Variants in UXS1 observed in about 807,000 individuals in gnomAD.
UXS1 encodes the protein UDP-glucuronate decarboxylase 1, also known as UDP-glucuronic acid decarboxylase 1.
A neutral mutation model predicts 62.6 loss-of-function variants in UXS1; 33 were observed. The observed-to-expected ratio is 0.53, with a 90% CI of 0.40 to 0.70. The LOEUF (loss-of-function observed/expected upper bound fraction) is 0.70. UXS1 is among the 30% of genes least tolerant of loss of function. The pLI is 0.00. For synonymous variants in UXS1, 213 were observed against 206.8 expected (o/e 1.03, Z -0.26); for missense variants, 434 against 556.3 (o/e 0.78, Z 2.21).
Position 106,093,947 on chromosome 2 carries a change from T to C in UXS1, c.*79A>G. Reference sequence around the variant, plus strand: ...TCATGACACCTGTTAAAGTCTTTCTTTAAACGACAACAAAAAAAAGCCAAA... The same window carrying C: ...TCATGACACCTGTTAAAGTCTTTCTCTAAACGACAACAAAAAAAAGCCAAA... On this transcript the variant is annotated 3_prime_UTR_variant, in exon 15 of 15. Coordinates refer to ENST00000283148, the MANE Select transcript of UXS1 (RefSeq NM_001253875.2). The C allele has an allele frequency of 6.8e-7, 1 of 1,468,214 alleles. No homozygotes were observed. The highest frequency in any genetic ancestry group is 1.5e-5 in the South Asian group (1 of 65,514). 90.9% of individuals were successfully genotyped at this position (1,468,214 alleles called of 1,614,324 possible). A position where few individuals can be genotyped will look rare whatever the true frequency, so the allele number is the denominator to read the frequency against.
At chr2:106,187,446 G>A (rs1399327040) in intron 1 of UXS1, among the ~76,000 whole-genome samples, 1 of 152,140 alleles carries the variant, frequency 6.6e-6, no homozygotes, top group Non-Finnish European at 1.5e-5. Context: ...ATTGTGTCCC[G>A]AATGAATTTA....
At chr2:106,095,867 C>T (rs776876995) in intron 14 of UXS1, among the ~76,000 whole-genome samples, 2 of 152,218 alleles carry the variant, frequency 1.3e-5, no homozygotes, top group Non-Finnish European at 1.5e-5. Context: ...GAGGAGCCTG[C>T]AGTCACCCAA....
intron 4 of UXS1, chr2:106,160,331 G>T (rs910669221): frequency 3.3e-5 from 5 of 152,180 alleles, no homozygotes; most frequent in Non-Finnish European, 5.9e-5. Flanking sequence ...TGGCACAGCT[G>T]AGACTCTTTC....
rs1248568312 is a variant in UXS1 at position 106,137,008 on chromosome 2, G to A, written c.473-7230C>T. 1.2e-4 allele frequency among the ~76,000 whole-genome samples: 14 copies of A among 116,872 alleles called. No individual in the cohort carries two copies. The South Asian group carries it at 2.0e-3, about 16-fold the overall frequency. 76.7% of individuals were successfully genotyped at this position (116,872 alleles called of 152,430 possible). A position where few individuals can be genotyped will look rare whatever the true frequency, so the allele number is the denominator to read the frequency against. ...AAAAGAAAGCCAAGTCTGAAAACCA[G>A]TGAGTTAATTTAGAAATAGAACCAA... On this transcript the variant is annotated intron_variant, in intron 6 of 14. Transcript: ENST00000283148.
chr2:106,106,637 T>C (rs1174372116), intron 10 of UXS1, among the ~76,000 whole-genome samples: 1 of 152,176 alleles, frequency 6.6e-6, no homozygotes, highest in Non-Finnish European at 1.5e-5. Flanking sequence ...AGGATGGGCA[T>C]GGGCCTCTTG....
intron 1 of UXS1, among the ~76,000 whole-genome samples, chr2:106,188,338 G>A (rs1381900266): frequency 3.9e-5 from 6 of 152,132 alleles, no homozygotes; most frequent in African/African-American, 7.2e-5. Flanking sequence ...GGACGTGGGC[G>A]GGCAGTGGAA....
chr2:106,171,981 C>T (rs1038287405), intron 1 of UXS1, among the ~76,000 whole-genome samples: 1 of 152,240 alleles, frequency 6.6e-6, no homozygotes, highest in East Asian at 1.9e-4. Context: ...CCCCTGGCTG[C>T]GGGGTCCTCA....
At chr2:106,122,231 G>A (rs1679582113) in intron 9 of UXS1, among the ~76,000 whole-genome samples, 1 of 152,230 alleles carries the variant, frequency 6.6e-6, no homozygotes, top group Admixed American at 6.5e-5. Flanking sequence ...ATGAGGATGT[G>A]AAAATTCAGA....
intron 1 of UXS1, among the ~76,000 whole-genome samples, chr2:106,186,845 CAGAA>C (rs913100901): frequency 1.3e-5 from 2 of 151,848 alleles, no homozygotes; most frequent in Non-Finnish European, 2.9e-5. Flanking sequence ...AAAAAAATCT[CAGAA>C]AGGCTATCAC....
intron 4 of UXS1, among the ~76,000 whole-genome samples, chr2:106,162,634 AT>A (rs1195689598): frequency 6.6e-6 from 1 of 152,254 alleles, no homozygotes; most frequent in Non-Finnish European, 1.5e-5. Context: ...TACAAGCTGC[AT>A]AACTAAAGCA....
Position 106,102,148 on chromosome 2 carries a change from T to C in UXS1, c.924-1030A>G, listed in dbSNP as rs1247721643. 2 of 152,254 alleles carry C rather than the reference T, an allele frequency of 1.3e-5. 1 individual carries two copies. Among genetic ancestry groups the C allele is most frequent in the Non-Finnish European group, 2.9e-5 (2 of 68,042 alleles). The allele number at this position is 152,254 out of a possible 1,614,324, so 9.4% of individuals were successfully genotyped here. A position where few individuals can be genotyped will look rare whatever the true frequency, so the allele number is the denominator to read the frequency against. On this transcript the variant is annotated intron_variant, in intron 11 of 14. Transcript: ENST00000283148. ...ATTTCATATGAACATGCTTAAAATGTTCTATTCTCAAGGATCAAGCACAAA... is the reference window on the plus strand; with the variant it reads ...ATTTCATATGAACATGCTTAAAATGCTCTATTCTCAAGGATCAAGCACAAA...
chr2:106,112,565 A>T, intron 10 of UXS1, 81 bp downstream of exon 10: 11 of 1,558,236 alleles, frequency 7.1e-6, no homozygotes, highest in Non-Finnish European at 9.5e-6. Flanking sequence ...CCCTGAACCA[A>T]GATGCACTTA....
intron 10 of UXS1, among the ~76,000 whole-genome samples, chr2:106,106,836 G>A (rs571070429): frequency 6.6e-6 from 1 of 152,206 alleles, no homozygotes; most frequent in East Asian, 1.9e-4. Context: ...AACTCTTTTT[G>A]TTTTTTACAA....
At chr2:106,098,874 T>C (rs775514511) in intron 12 of UXS1, 101 bp from the exon 13 acceptor site, 84 of 1,059,730 alleles carry the variant, frequency 7.9e-5, no homozygotes, top group Non-Finnish European at 1.1e-4. Context: ...TGGCCGAGTC[T>C]GACCTCCCTG....
chr2:106,098,353 G>C (rs1409037533), intron 13 of UXS1, among the ~76,000 whole-genome samples: 2 of 152,236 alleles, frequency 1.3e-5, no homozygotes, highest in African/African-American at 4.8e-5. Flanking sequence ...GAAGCACGCA[G>C]CTGGTGGTTG....
chr2:106,109,697 G>A (rs543482649), intron 10 of UXS1, among the ~76,000 whole-genome samples: 1 of 152,276 alleles, frequency 6.6e-6, no homozygotes, highest in Admixed American at 6.5e-5. Flanking sequence ...TAGCTTTGAT[G>A]TATGATGCAC....
intron 10 of UXS1, among the ~76,000 whole-genome samples, chr2:106,110,538 G>C (rs1351641157): frequency 6.6e-6 from 1 of 152,180 alleles, no homozygotes; most frequent in Non-Finnish European, 1.5e-5. Context: ...ATTCTCAACT[G>C]AGCAGGTGGA....
intron 6 of UXS1, among the ~76,000 whole-genome samples, chr2:106,130,910 G>A (rs1172330139): frequency 2.6e-5 from 4 of 152,118 alleles, no homozygotes; most frequent in Non-Finnish European, 5.9e-5. Flanking sequence ...GAGCCAAGAT[G>A]GCCGAATAGG....
At chr2:106,130,749 TG>T (rs1318624226) in intron 6 of UXS1, among the ~76,000 whole-genome samples, 1 of 152,240 alleles carries the variant, frequency 6.6e-6, no homozygotes, top group Non-Finnish European at 1.5e-5. Flanking sequence ...CAGGTCAGTC[TG>T]GAGGTTCTCA....
Sources: allele counts gnomAD v4.1 joint callset (sites outside exome capture counted in the v4.1 genomes callset), GRCh38; gene constraint gnomAD v4.1.1; transcripts MANE v1.5; gene names NCBI Gene and HGNC (gene_info 2026-07-23, HGNC 2026-07-21).